The following DNAH9 variants were observed in gnomAD, a reference collection of about 807,000 sequenced individuals.
DNAH9 encodes dynein axonemal heavy chain 9.
In DNAH9, 345 loss-of-function variants were observed where a neutral mutation model predicts 471.6. The observed-to-expected ratio is 0.73, with a 90% CI of 0.67 to 0.80. The LOEUF is 0.80. Among genes scored for constraint, DNAH9 ranks in the 30% least tolerant of loss-of-function variants. DNAH9 has a pLI of 0.00. For synonymous variants in DNAH9, 2,093 were observed against 2,123.6 expected, an observed-to-expected ratio of 0.99 and a Z score of 0.40; for missense variants, 5,407 against 5,609.2, an observed-to-expected ratio of 0.96 and a Z score of 1.15.
In DNAH9 at chr17:11,926,035, G is replaced by GAAAAAAAAAAAAAAAAAAAAA. The variant is rs71142253; in HGVS notation, c.11877+2101_11877+2121dup. On this transcript the variant is annotated intron_variant, in intron 62 of 68. Coordinates refer to ENST00000262442, the MANE Select transcript of DNAH9 (RefSeq NM_001372.4). The stretch of plus-strand genomic sequence containing the variant: ...AGCCTGTAAACCTGAGAGATTCTCT[G>GAAAAAAAAAAAAAAAAAAAAA]AAAAAAAAAAAAAAAAAAAAAAAAA... 3.8e-4 allele frequency among the ~76,000 whole-genome samples: 23 copies of GAAAAAAAAAAAAAAAAAAAAA among 59,916 alleles called. 3 individuals are homozygous for GAAAAAAAAAAAAAAAAAAAAA. Among genetic ancestry groups the GAAAAAAAAAAAAAAAAAAAAA allele is most frequent in the African/African-American group, 1.3e-3 (17 of 12,682 alleles). 39.3% of individuals were successfully genotyped at this position (59,916 alleles called of 152,430 possible). A position where few individuals can be genotyped will look rare whatever the true frequency, so the allele number is the denominator to read the frequency against.
chr17:11,725,591 A>G (rs913226228), intron 27 of DNAH9, among the ~76,000 whole-genome samples: 6 of 152,144 alleles, frequency 3.9e-5, no homozygotes, highest in Non-Finnish European at 7.3e-5. Flanking sequence ...CTACATCAGG[A>G]CACAGTGGCT....
intron 6 of DNAH9, among the ~76,000 whole-genome samples, chr17:11,620,512 A>G (rs1190148557): frequency 1.6e-3 from 4 of 2,560 alleles, no homozygotes; most frequent in African/African-American, 2.6e-3. Flanking sequence ...ACTCTGTCTC[A>G]AAAAAAAAAA....
At chr17:11,691,482 T>C (rs1017971574) in intron 20 of DNAH9, among the ~76,000 whole-genome samples, 3 of 152,204 alleles carry the variant, frequency 2.0e-5, no homozygotes, top group Non-Finnish European at 4.4e-5. Flanking sequence ...GTATAAAATA[T>C]GTAAACACAT....
At chr17:11,900,720 G>A (rs79789639) in intron 59 of DNAH9, among the ~76,000 whole-genome samples, 1,764 of 152,174 alleles carry the variant, frequency 0.012, 36 homozygotes, top group African/African-American at 0.04. Context: ...AAGAATGAAC[G>A]AATGAATGAA....
chr17:11,645,832 T>A (rs2073372353), intron 11 of DNAH9, among the ~76,000 whole-genome samples: 1 of 151,394 alleles, frequency 6.6e-6, no homozygotes, highest in South Asian at 2.1e-4. Flanking sequence ...GCCTTCCACC[T>A]CTGCTATTAG....
At chr17:11,784,982 T>C (rs765445601) in intron 41 of DNAH9, among the ~76,000 whole-genome samples, 4 of 152,136 alleles carry the variant, frequency 2.6e-5, no homozygotes, top group African/African-American at 9.7e-5. Flanking sequence ...AAAAACCACA[T>C]TGTCATACTC....
chr17:11,779,007 A>G (rs932115306), intron 38 of DNAH9, among the ~76,000 whole-genome samples: 2 of 151,228 alleles, frequency 1.3e-5, no homozygotes, highest in African/African-American at 4.9e-5. Context: ...ACTCCATCTC[A>G]AAAAAAAAGA....
chr17:11,756,295 C>G (rs555252369), intron 33 of DNAH9, among the ~76,000 whole-genome samples: 92 of 129,422 alleles, frequency 7.1e-4, no homozygotes, highest in African/African-American at 2.3e-3. Context: ...AAAAAAAAAT[C>G]AGATCTTGTG....
chr17:11,774,840 T>C (rs189482361), intron 38 of DNAH9, among the ~76,000 whole-genome samples: 96 of 152,282 alleles, frequency 6.3e-4, no homozygotes, highest in African/African-American at 2.1e-3. Context: ...TTTTACATTT[T>C]TTCTTTTCTA....
chr17:11,696,236 C>T (rs2074474549), intron 22 of DNAH9, among the ~76,000 whole-genome samples: 1 of 152,200 alleles, frequency 6.6e-6, no homozygotes. Context: ...GCATGCTACG[C>T]CTACCTGTTT....
chr17:11,966,063 A>G (rs924502759), intron 68 of DNAH9, among the ~76,000 whole-genome samples: 1 of 152,216 alleles, frequency 6.6e-6, no homozygotes, highest in Non-Finnish European at 1.5e-5. Flanking sequence ...ATGACCCAAA[A>G]CTGCCCAAAT....
At chr17:11,699,507 G>A (rs112941045) in intron 22 of DNAH9, among the ~76,000 whole-genome samples, 254 of 152,282 alleles carry the variant, frequency 1.7e-3, no homozygotes, top group African/African-American at 5.7e-3. Context: ...TATAGCTAGT[G>A]CACAACTCTC....
intron 61 of DNAH9, among the ~76,000 whole-genome samples, chr17:11,909,298 A>G (rs1973710556): frequency 6.6e-6 from 1 of 152,152 alleles, no homozygotes; most frequent in Non-Finnish European, 1.5e-5. Flanking sequence ...ATAACCATCC[A>G]GAGTCCACAC....
chr17:11,752,220 C>T (rs1286735575), intron 32 of DNAH9, among the ~76,000 whole-genome samples: 4 of 152,162 alleles, frequency 2.6e-5, no homozygotes, highest in African/African-American at 9.7e-5. Flanking sequence ...CTTTCCAAAG[C>T]TTGTGTTTGG....
intron 35 of DNAH9, among the ~76,000 whole-genome samples, chr17:11,758,971 A>T (rs1016833462): frequency 1.3e-5 from 2 of 152,152 alleles, no homozygotes; most frequent in African/African-American, 4.8e-5. Context: ...CAGCCCGTGT[A>T]GCTAAAAAAG....
At chr17:11,861,823 C>T (rs1227245722) in intron 50 of DNAH9, among the ~76,000 whole-genome samples, 2 of 151,522 alleles carry the variant, frequency 1.3e-5, no homozygotes, top group African/African-American at 4.8e-5. Flanking sequence ...TAAATGTCTT[C>T]TTTTGAGAAG....
chr17:11,620,019 G>A (rs887603568), intron 6 of DNAH9: 31 of 504,402 alleles, frequency 6.1e-5, no homozygotes, highest in African/African-American at 4.0e-4. Flanking sequence ...AAAACCAGCC[G>A]GGCCAACATG....
chr17:11,802,301 A>G (rs1490397359), intron 43 of DNAH9, among the ~76,000 whole-genome samples: 1 of 152,096 alleles, frequency 6.6e-6, no homozygotes, highest in Non-Finnish European at 1.5e-5. Context: ...CTACACACAC[A>G]GCACTCCAGA....
At chr17:11,694,033 A>G (rs1260673846) in intron 21 of DNAH9, 35 bp downstream of exon 21, 2 of 1,604,678 alleles carry the variant, frequency 1.2e-6, no homozygotes, top group Non-Finnish European at 1.7e-6. Context: ...CTCTAATAAG[A>G]AGGCATCATT....
Sources: allele counts gnomAD v4.1 joint callset (sites outside exome capture counted in the v4.1 genomes callset), GRCh38; gene constraint gnomAD v4.1.1; transcripts MANE v1.5; gene names NCBI Gene and HGNC (gene_info 2026-07-23, HGNC 2026-07-21).